Variants in JAG1 observed in about 807,000 individuals in gnomAD.
The protein encoded by JAG1 is protein jagged-1.
Under a neutral mutation model 148.7 loss-of-function variants are expected in JAG1, and 23 were observed. The ratio of observed to expected loss-of-function variants is 0.15; its 90% CI spans 0.11 to 0.22. JAG1 has a LOEUF of 0.22. JAG1 is among the 10% of genes least tolerant of loss of function. The probability of loss-of-function intolerance (pLI) is 1.00; values close to 1 mark genes in which losing one functional copy is unlikely to be tolerated. For synonymous variants in JAG1, 572 were observed against 598.3 expected, an observed-to-expected ratio of 0.96 and a Z score of 0.64; for missense variants, 1,054 against 1,611.2, an observed-to-expected ratio of 0.65 and a Z score of 5.92.
intron 14 of JAG1, 32 bp from the exon 15 acceptor site, chr20:10,646,116 G>A (rs2067306860): frequency 6.6e-7 from 1 of 1,504,366 alleles, no homozygotes; most frequent in Non-Finnish European, 9.3e-7. Flanking sequence ...AAAAAGAACT[G>A]AAGGACTTGT....
At chr20:10,644,823 C>T in intron 18 of JAG1, 40 bp downstream of exon 18, 2 of 1,441,058 alleles carry the variant, frequency 1.4e-6, no homozygotes, top group Non-Finnish European at 2.0e-6. Context: ...AGGATCTGCT[C>T]CGACAGCCCT....
intron 13 of JAG1, chr20:10,647,318 C>G (rs957074728): frequency 1.7e-6 from 1 of 596,494 alleles, no homozygotes; most frequent in African/African-American, 2.0e-5. Context: ...CATTTTCTCC[C>G]TCCACACAAC....
At chr20:10,641,001 C>G (rs112822167) in intron 24 of JAG1, 68 bp from the exon 25 acceptor site, 34 of 1,610,566 alleles carry the variant, frequency 2.1e-5, no homozygotes, top group Non-Finnish European at 2.9e-5. Context: ...CAAAATTACT[C>G]GACAATCTGT....
At chr20:10,649,393 C>G (rs2067331219) in intron 10 of JAG1, 129 bp downstream of exon 10, 1 of 723,612 alleles carries the variant, frequency 1.4e-6, no homozygotes, top group Admixed American at 2.0e-5. Context: ...ACCACTCCCT[C>G]TCAAAAAACC....
In JAG1 at chr20:10,644,959, G is replaced by A; in HGVS notation, c.2248C>T (p.Pro750Ser). The part of the protein sequence containing the change: ...CNIARNSSCL[P>S]NPCHNGGTCV... ...GTGCCCCCATTATGGCAGGGGTTGG[G>A]CAGGCAGCTACTGTTTCGGGCTATA... Residue 750 changes from proline (P) to serine (S), a missense_variant, in exon 18 of 26, where the codon CCC becomes TCC. Pro to Ser is a moderately conservative substitution (Grantham distance 74). Transcript: ENST00000254958. 2 of 1,613,978 alleles carry A rather than the reference G, an allele frequency of 1.2e-6. No individual in the cohort carries two copies. The highest frequency in any genetic ancestry group is 1.7e-6 in the Non-Finnish European group (2 of 1,179,940).
chr20:10,653,657 C>T (rs2067360891), intron 5 of JAG1, among the ~76,000 whole-genome samples: 1 of 151,910 alleles, frequency 6.6e-6, no homozygotes, highest in Non-Finnish European at 1.5e-5. Flanking sequence ...CCACGATCAG[C>T]GCCAACCCCC....
Position 10,639,929 on chromosome 20 carries a change from C to G in JAG1, c.3226G>C (p.Val1076Leu). The G allele has an allele frequency of 6.2e-7, 1 of 1,614,154 alleles. No individual in the cohort carries two copies. Among genetic ancestry groups the G allele is most frequent in the Non-Finnish European group, 8.5e-7 (1 of 1,180,028 alleles). Reference sequence around the variant, plus strand: ...CAACAGATCCAAGCCACAGTTAAGACAGAGCTCAGCAAGGGAACAAGGAAA... The same window carrying G: ...CAACAGATCCAAGCCACAGTTAAGAGAGAGCTCAGCAAGGGAACAAGGAAA... The part of the protein sequence containing the change: ...TDFLVPLLSS[V>L]LTVAWICCLV... Residue 1076 changes from valine to leucine, a missense_variant, in exon 26 of 26, where the codon GTC becomes CTC. Coordinates refer to ENST00000254958, the MANE Select transcript of JAG1 (RefSeq NM_000214.3).
At chr20:10,650,478 A>C in intron 8 of JAG1, 118 bp from the exon 9 acceptor site, 1 of 709,514 alleles carries the variant, frequency 1.4e-6, no homozygotes, top group Non-Finnish European at 2.6e-6. Flanking sequence ...ACCTGCTACA[A>C]GGAAAGCTAC....
chr20:10,641,279 G>A lies in JAG1; in HGVS notation c.2917-35C>T, dbSNP rs973000689. ...TTTTTAAAAACCCACACACGTGTAA[G>A]ATTGAGAGGAAGAACAAAAGGCTGA... On this transcript the variant is annotated intron_variant, in intron 23 of 25. Transcript: ENST00000254958. The A allele has an allele frequency of 3.7e-6, 6 of 1,611,734 alleles. No individual in the cohort carries two copies. In the African/African-American group the frequency reaches 5.3e-5, roughly 14 times the overall value.
In JAG1 at chr20:10,656,936, T is replaced by C. The variant is rs969111832; in HGVS notation, c.695-478A>G. Reference sequence around the variant, plus strand: ...GCCTGGTTTGAAAATTCCATGGGACTAACAGAGCCAGCCAGGCTGGACTCA... The same window carrying C: ...GCCTGGTTTGAAAATTCCATGGGACCAACAGAGCCAGCCAGGCTGGACTCA... On this transcript the variant is annotated intron_variant, in intron 4 of 25. Coordinates refer to ENST00000254958, the MANE Select transcript of JAG1 (RefSeq NM_000214.3). Among the ~76,000 whole-genome samples the C allele has an allele frequency of 3.4e-5, 5 of 147,750 alleles. No homozygotes were observed. The East Asian group carries it at 1.0e-3, about 30-fold the overall frequency.
intron 4 of JAG1, among the ~76,000 whole-genome samples, chr20:10,656,750 T>C (rs1600188045): frequency 1.3e-5 from 2 of 152,178 alleles, no homozygotes; most frequent in East Asian, 3.9e-4. Flanking sequence ...ACAGCTACCC[T>C]GGCTCCTTGA....
rs950382997 is a variant in JAG1 at position 10,638,845 on chromosome 20, CTTGA to C, written c.*649_*652del. On this transcript the variant is annotated 3_prime_UTR_variant, in exon 26 of 26. Coordinates refer to ENST00000254958, the MANE Select transcript of JAG1 (RefSeq NM_000214.3). ...TAAAAAGGAATGATGTTTTAAGGCT[CTTGA>C]TTATTAAGTTAATAAATCAAATATA... 6.5e-6 allele frequency: 1 copy of C among 152,844 alleles called. No homozygotes were observed. Among genetic ancestry groups the C allele is most frequent in the African/African-American group, 2.4e-5 (1 of 41,424 alleles). 9.5% of individuals were successfully genotyped at this position (152,844 alleles called of 1,614,324 possible).
rs879066265 is a variant in JAG1 at position 10,640,876 on chromosome 20, T to C, written c.3106A>G (p.Ile1036Val). The C allele has an allele frequency of 6.2e-7, 1 of 1,613,890 alleles. No individual in the cohort carries two copies. The highest frequency in any genetic ancestry group is 8.5e-7 in the Non-Finnish European group (1 of 1,179,858). The change falls in exon 25 of 26, where the codon ATC becomes GTC. Residue 1036 changes from isoleucine to valine, a missense_variant. By Grantham distance (29) the Ile-to-Val change is conservative. Coordinates refer to ENST00000254958, the MANE Select transcript of JAG1 (RefSeq NM_000214.3). ...CCATCACGTTTACTAACAAGATCGA[T>C]TATTTTGTCAGTGATTTCCTTGATC... ...NPIKEITDKI[I>V]DLVSKRDGNS...
intron 20 of JAG1, 135 bp from the exon 21 acceptor site, chr20:10,642,736 A>T: frequency 1.4e-6 from 1 of 707,274 alleles, no homozygotes; most frequent in Non-Finnish European, 2.6e-6. Context: ...AGCAGCATCC[A>T]AAAGAAGAAA....
intron 2 of JAG1, among the ~76,000 whole-genome samples, chr20:10,665,688 C>A (rs1339573123): frequency 6.6e-6 from 1 of 152,156 alleles, no homozygotes; most frequent in Admixed American, 6.5e-5. Flanking sequence ...CCCACGTCCT[C>A]CACTTCAACA....
rs1388481192 is a variant in JAG1, at chr20:10,641,517, A to G, written c.2859T>C (p.Tyr953=). Residue 953 remains tyrosine (Y), a synonymous_variant, in exon 23 of 26, where the codon TAT becomes TAC. Transcript: ENST00000254958. ...PVKTKCTSDS[Y]YQDNCANITF... ...TGATGTTCGCACAGTTATCCTGGTAATAGGAGTCAGAGGTGCACTTTGTCT... is the reference window on the plus strand; with the variant it reads ...TGATGTTCGCACAGTTATCCTGGTAGTAGGAGTCAGAGGTGCACTTTGTCT... 1.2e-6 allele frequency: 2 copies of G among 1,614,202 alleles called. No homozygotes were observed. The highest frequency in any genetic ancestry group is 4.5e-5 in the East Asian group (2 of 44,884).
At position 10,666,000 on chromosome 20, in the gene JAG1, G is replaced by A. The variant is rs572856954; in HGVS notation, c.388-1986C>T. On this transcript the variant is annotated intron_variant, in intron 2 of 25. Coordinates refer to ENST00000254958, the MANE Select transcript of JAG1 (RefSeq NM_000214.3). The stretch of plus-strand genomic sequence containing the variant: ...AGAAAAGAATTGCACACAGCCCTAC[G>A]TGCCTGGCTCTGTGATTTTCCATGA... Among the ~76,000 whole-genome samples, 14 of 152,232 alleles carry A rather than the reference G, an allele frequency of 9.2e-5. No individual in the cohort carries two copies. In the South Asian group the frequency reaches 2.3e-3, roughly 25 times the overall value.
At chr20:10,670,580 T>C (rs560079725) in intron 2 of JAG1, among the ~76,000 whole-genome samples, 12 of 152,204 alleles carry the variant, frequency 7.9e-5, no homozygotes, top group Non-Finnish European at 1.2e-4. Context: ...AGTTACGGAC[T>C]GTGCCGTTTC....
At position 10,639,921 on chromosome 20, in the gene JAG1, A is replaced by G; in HGVS notation, c.3234T>C (p.Thr1078=). The change falls in exon 26 of 26, where the codon ACT becomes ACC. Residue 1078 remains threonine (T), a synonymous_variant. Coordinates refer to ENST00000254958, the MANE Select transcript of JAG1 (RefSeq NM_000214.3). ...FLVPLLSSVL[T]VAWICCLVTA... is the part of the protein sequence containing the mutation. The stretch of plus-strand genomic sequence containing the variant: ...TCACCAAGCAACAGATCCAAGCCAC[A>G]GTTAAGACAGAGCTCAGCAAGGGAA... 6.2e-7 allele frequency: 1 copy of G among 1,614,248 alleles called. No individual in the cohort carries two copies. The highest frequency in any genetic ancestry group is 1.1e-5 in the South Asian group (1 of 91,092).
Sources: gnomAD v4.1 joint callset for allele counts (sites outside exome capture counted in the v4.1 genomes callset) on GRCh38, gnomAD v4.1.1 for gene constraint, MANE v1.5 for transcripts, NCBI Gene and HGNC (gene_info 2026-07-23, HGNC 2026-07-21) for gene names.